The following PDGFC variants were observed in gnomAD, a reference collection of about 807,000 sequenced individuals.
The protein encoded by PDGFC is platelet-derived growth factor C.
Under a neutral mutation model 35.5 loss-of-function variants are expected in PDGFC, and 12 were observed. The observed-to-expected ratio is 0.34, with a 90% CI of 0.22 to 0.55. The LOEUF (loss-of-function observed/expected upper bound fraction) is 0.55. Among genes scored for constraint, PDGFC ranks in the 20% least tolerant of loss-of-function variants. The pLI, the probability that PDGFC is intolerant of heterozygous loss-of-function variation, is 0.91. For missense variants in PDGFC, 322 were observed against 412.4 expected (o/e 0.78, Z 1.90); for synonymous variants, 159 against 148.8 (o/e 1.07, Z -0.50).
intron 1 of PDGFC, among the ~76,000 whole-genome samples, chr4:156,869,235 C>T (rs1345832048): frequency 6.6e-6 from 1 of 152,018 alleles, no homozygotes; most frequent in Admixed American, 6.6e-5. Context: ...AGATCGAGAC[C>T]ATCCTGGCTA....
chr4:156,797,216 C>T (rs58970935), intron 3 of PDGFC, among the ~76,000 whole-genome samples: 5 of 147,816 alleles, frequency 3.4e-5, no homozygotes, highest in East Asian at 2.0e-4. Context: ...CCACCCTGTG[C>T]GACAGAGCGA....
At chr4:156,919,315 A>ACC (rs1731220756) in intron 1 of PDGFC, among the ~76,000 whole-genome samples, 1 of 152,168 alleles carries the variant, frequency 6.6e-6, no homozygotes, top group Non-Finnish European at 1.5e-5. Context: ...TTCCTAAATG[A>ACC]CCCTCAAATT....
chr4:156,970,956 C>T lies in PDGFC; in HGVS notation c.-53G>A. ...ACGGCGGGCACTTTGGAAGCAGCGA[C>T]TCCCGAGTCTCTTTCACCACCGCCA... On this transcript the variant is annotated 5_prime_UTR_variant, in exon 1 of 6. Transcript: ENST00000502773. 8.7e-7 allele frequency: 1 copy of T among 1,150,668 alleles called. No individual in the cohort carries two copies. 71.3% of individuals were successfully genotyped at this position (1,150,668 alleles called of 1,614,324 possible). A position where few individuals can be genotyped will look rare whatever the true frequency, so the allele number is the denominator to read the frequency against.
chr4:156,903,804 C>G (rs1730850453), intron 1 of PDGFC, among the ~76,000 whole-genome samples: 2 of 152,058 alleles, frequency 1.3e-5, no homozygotes, highest in African/African-American at 4.8e-5. Context: ...TAATTTCAAG[C>G]TTAATTTTAA....
intron 1 of PDGFC, among the ~76,000 whole-genome samples, chr4:156,965,040 G>C (rs551050665): frequency 3.9e-5 from 6 of 152,254 alleles, no homozygotes; most frequent in Admixed American, 2.0e-4. Context: ...CCAGTTCTAG[G>C]AAACCTATCC....
intron 2 of PDGFC, among the ~76,000 whole-genome samples, chr4:156,813,105 C>A (rs1731985330): frequency 6.6e-6 from 1 of 151,952 alleles, no homozygotes; most frequent in African/African-American, 2.4e-5. Flanking sequence ...GTGGGTATAG[C>A]AGACCTAAGT....
At chr4:156,768,556 G>C (rs1199436909) in intron 4 of PDGFC, among the ~76,000 whole-genome samples, 3 of 151,956 alleles carry the variant, frequency 2.0e-5, no homozygotes, top group Admixed American at 1.3e-4. Flanking sequence ...TGTAGACCAT[G>C]AGTGAAAAAA....
At chr4:156,897,209 T>C (rs1368805147) in intron 1 of PDGFC, among the ~76,000 whole-genome samples, 1 of 152,140 alleles carries the variant, frequency 6.6e-6, no homozygotes, top group African/African-American at 2.4e-5. Context: ...TAAGTAAGTC[T>C]CACTTTTTTA....
intron 2 of PDGFC, among the ~76,000 whole-genome samples, chr4:156,821,586 A>G (rs1732262062): frequency 6.6e-6 from 1 of 151,976 alleles, no homozygotes; most frequent in African/African-American, 2.4e-5. Flanking sequence ...CTTGCTCTGT[A>G]GCCCAGGCTG....
At chr4:156,775,956 GGACAGAACAGGGGAAGTGGT>G (rs1489300600) in intron 3 of PDGFC, among the ~76,000 whole-genome samples, 29 of 152,194 alleles carry the variant, frequency 1.9e-4, no homozygotes, top group African/African-American at 6.7e-4. Flanking sequence ...ATCAATCCCT[GGACAGAACAGGGGAAGTGGT>G]GCTTCTATTT....
chr4:156,960,252 T>TTTTATATATA (rs1393791877), intron 1 of PDGFC, among the ~76,000 whole-genome samples: 1 of 137,118 alleles, frequency 7.3e-6, no homozygotes, highest in African/African-American at 2.8e-5. Flanking sequence ...TATATAACTG[T>TTTTATATATA]TATATATATA....
At chr4:156,932,096 A>G (rs1731563135) in intron 1 of PDGFC, among the ~76,000 whole-genome samples, 2 of 152,200 alleles carry the variant, frequency 1.3e-5, no homozygotes, top group Admixed American at 1.3e-4. Context: ...ATCTATTATT[A>G]AGAACATTTA....
chr4:156,780,272 G>A (rs1351441318), intron 3 of PDGFC, among the ~76,000 whole-genome samples: 1 of 151,978 alleles, frequency 6.6e-6, no homozygotes, highest in African/African-American at 2.4e-5. Flanking sequence ...TTGTGGATTT[G>A]CTTTGTTATA....
At chr4:156,949,058 T>A (rs1014394176) in intron 1 of PDGFC, among the ~76,000 whole-genome samples, 2 of 151,918 alleles carry the variant, frequency 1.3e-5, no homozygotes, top group African/African-American at 4.8e-5. Context: ...AGCCCAAATG[T>A]CCATCTCTGA....
intron 1 of PDGFC, among the ~76,000 whole-genome samples, chr4:156,900,293 T>C (rs571800863): frequency 4.6e-5 from 7 of 152,226 alleles, no homozygotes; most frequent in Non-Finnish European, 1.0e-4. Flanking sequence ...CCCTGTCCTC[T>C]AAAGAGCAAT....
chr4:156,840,352 T>G (rs1052588597), intron 2 of PDGFC, among the ~76,000 whole-genome samples: 2 of 152,108 alleles, frequency 1.3e-5, no homozygotes, highest in East Asian at 1.9e-4. Context: ...CTTTAGAGAG[T>G]GTAAGCCCCA....
intron 2 of PDGFC, among the ~76,000 whole-genome samples, chr4:156,824,226 T>C (rs1198399868): frequency 6.7e-6 from 1 of 149,112 alleles, no homozygotes; most frequent in African/African-American, 2.5e-5. Flanking sequence ...CTAGGCTTTT[T>C]GCCCTTCTTA....
At chr4:156,893,314 C>G (rs937717467) in intron 1 of PDGFC, among the ~76,000 whole-genome samples, 2 of 148,472 alleles carry the variant, frequency 1.3e-5, no homozygotes, top group African/African-American at 4.9e-5. Context: ...ATAGACGCAA[C>G]AAGTAAAAAA....
intron 3 of PDGFC, among the ~76,000 whole-genome samples, chr4:156,808,176 G>GT (rs1731824803): frequency 6.6e-6 from 1 of 152,044 alleles, no homozygotes; most frequent in African/African-American, 2.4e-5. Context: ...TAGGAAGGTA[G>GT]TATAGCTCCC....
Sources: gnomAD v4.1 joint callset for allele counts (sites outside exome capture counted in the v4.1 genomes callset) on GRCh38, gnomAD v4.1.1 for gene constraint, MANE v1.5 for transcripts, NCBI Gene and HGNC (gene_info 2026-07-23, HGNC 2026-07-21) for gene names.